Variants in POU6F2 observed in about 807,000 individuals in gnomAD.
POU6F2 encodes POU class 6 homeobox 2.
POU6F2 carries 31 observed loss-of-function variants against 71.3 expected under a neutral mutation model. The observed-to-expected ratio is 0.43, with a 90% CI of 0.33 to 0.59. POU6F2 has a LOEUF of 0.59. Among genes scored for constraint, POU6F2 ranks in the 20% least tolerant of loss-of-function variants. The pLI is 0.04. For synonymous variants in POU6F2, 347 were observed against 355.7 expected, an observed-to-expected ratio of 0.98 and a Z score of 0.27; for missense variants, 783 against 856.8, an observed-to-expected ratio of 0.91 and a Z score of 1.07.
intron 4 of POU6F2, among the ~76,000 whole-genome samples, chr7:39,305,291 A>C (rs1785028782): frequency 6.6e-6 from 1 of 152,266 alleles, no homozygotes; most frequent in Non-Finnish European, 1.5e-5. Flanking sequence ...GCATACAATT[A>C]GGAATAATAA....
chr7:39,241,795 C>G (rs1350195148), intron 4 of POU6F2, among the ~76,000 whole-genome samples: 1 of 152,082 alleles, frequency 6.6e-6, no homozygotes, highest in South Asian at 2.1e-4. Flanking sequence ...TTTCAGTATA[C>G]AGTTCCATGA....
intron 5 of POU6F2, among the ~76,000 whole-genome samples, chr7:39,396,884 C>T (rs891697775): frequency 1.4e-5 from 2 of 146,750 alleles, no homozygotes; most frequent in African/African-American, 2.5e-5. Flanking sequence ...GTCTCCACCA[C>T]CATAACCAAT....
intron 1 of POU6F2, chr7:39,034,402 G>C: frequency 3.0e-6 from 1 of 335,830 alleles, no homozygotes. Flanking sequence ...GAGGCAGATA[G>C]AGAAGAAAAT....
rs1787442600 is a variant in POU6F2 at position 39,406,758 on chromosome 7, A to G, written c.1113+18A>G. The G allele has an allele frequency of 2.5e-6, 4 of 1,612,260 alleles. No homozygotes were observed. Among genetic ancestry groups the G allele is most frequent in the Middle Eastern group, 1.6e-4 (1 of 6,062 alleles). ...AAGGACAGGTGAGTGGGAGATGGGA[A>G]CAAGAGTGCATTTTTATGGCAGATT... On this transcript the variant is annotated intron_variant, in intron 6 of 9. Transcript: ENST00000518318.
intron 7 of POU6F2, among the ~76,000 whole-genome samples, chr7:39,441,473 T>A (rs868476719): frequency 6.6e-6 from 1 of 151,648 alleles, no homozygotes; most frequent in South Asian, 2.1e-4. Flanking sequence ...GAAAAAAATA[T>A]GAGAAGCAAG....
rs536188690 is a variant in POU6F2 at position 39,275,997 on chromosome 7, A to G, written c.599-63645A>G. Among the ~76,000 whole-genome samples, 624 of 152,102 alleles carry G rather than the reference A, an allele frequency of 4.1e-3. 10 individuals carry two copies. The South Asian group carries it at 0.045, about 11-fold the overall frequency. The stretch of plus-strand genomic sequence containing the variant: ...CATTCAGGACATAGGCATGGGCAAG[A>G]ACTTCATGTCTAAAACACCAAAAGT... On this transcript the variant is annotated intron_variant, in intron 4 of 9. Coordinates refer to ENST00000518318, the MANE Select transcript of POU6F2 (RefSeq NM_001370959.1).
At chr7:39,294,003 A>T (rs1177088423) in intron 4 of POU6F2, among the ~76,000 whole-genome samples, 1 of 152,136 alleles carries the variant, frequency 6.6e-6, no homozygotes, top group East Asian at 1.9e-4. Context: ...AAAGTAAGTT[A>T]AACCCTTTTG....
At chr7:39,447,563 A>C (rs1173695149) in intron 7 of POU6F2, among the ~76,000 whole-genome samples, 1 of 152,212 alleles carries the variant, frequency 6.6e-6, no homozygotes, top group African/African-American at 2.4e-5. Flanking sequence ...CCTAAAAAGG[A>C]GGACTATTGC....
intron 1 of POU6F2, among the ~76,000 whole-genome samples, chr7:39,013,984 G>A (rs1789403421): frequency 6.6e-6 from 1 of 152,172 alleles, no homozygotes; most frequent in Non-Finnish European, 1.5e-5. Flanking sequence ...TCCCTTCAGA[G>A]GAATGAGAGA....
chr7:39,406,811 T>G, intron 6 of POU6F2, 71 bp downstream of exon 6: 1 of 1,556,052 alleles, frequency 6.4e-7, no homozygotes, highest in African/African-American at 1.4e-5. Context: ...GAATTTCTTT[T>G]GCATGACAGT....
At chr7:39,160,680 A>T (rs533435373) in intron 2 of POU6F2, among the ~76,000 whole-genome samples, 1 of 152,088 alleles carries the variant, frequency 6.6e-6, no homozygotes, top group East Asian at 1.9e-4. Flanking sequence ...AAATCAGCCT[A>T]TTTCATGAAG....
intron 4 of POU6F2, among the ~76,000 whole-genome samples, chr7:39,232,658 G>GGTTTCCTTTAACTTCTTGCTAC (rs1794597617): frequency 6.6e-6 from 1 of 152,186 alleles, no homozygotes; most frequent in Non-Finnish European, 1.5e-5. Context: ...TTTGTTGGTA[G>GGTTTCCTTTAACTTCTTGCTAC]GTTTCCTTTA....
intron 4 of POU6F2, among the ~76,000 whole-genome samples, chr7:39,222,039 C>T (rs887037956): frequency 3.9e-5 from 6 of 152,076 alleles, no homozygotes; most frequent in Non-Finnish European, 1.5e-5. Flanking sequence ...TACTTATTTT[C>T]ACCACCAAAA....
chr7:39,043,591 T>C (rs999283690), intron 1 of POU6F2, among the ~76,000 whole-genome samples: 3 of 151,996 alleles, frequency 2.0e-5, no homozygotes, highest in Non-Finnish European at 4.4e-5. Flanking sequence ...CTGGCTTATA[T>C]AAGGTGTCAC....
chr7:39,177,691 A>T (rs1440851416), intron 2 of POU6F2, among the ~76,000 whole-genome samples: 2 of 152,156 alleles, frequency 1.3e-5, no homozygotes, highest in African/African-American at 4.8e-5. Context: ...ACTCAGAGAG[A>T]CTGATGCCAC....
intron 5 of POU6F2, among the ~76,000 whole-genome samples, chr7:39,372,816 C>T (rs980729175): frequency 6.6e-6 from 1 of 152,124 alleles, no homozygotes; most frequent in African/African-American, 2.4e-5. Flanking sequence ...TCATTCTTAG[C>T]TTATGGGCCA....
At chr7:39,372,384 C>T (rs969865337) in intron 5 of POU6F2, among the ~76,000 whole-genome samples, 4 of 152,092 alleles carry the variant, frequency 2.6e-5, no homozygotes, top group African/African-American at 9.7e-5. Flanking sequence ...TCAGTGTTCT[C>T]CAGAGAAAAA....
intron 4 of POU6F2, among the ~76,000 whole-genome samples, chr7:39,236,265 T>C (rs1794674212): frequency 6.6e-6 from 1 of 152,212 alleles, no homozygotes; most frequent in Admixed American, 6.5e-5. Flanking sequence ...CATTCAAGGT[T>C]AAACACAGTG....
chr7:39,130,323 A>G (rs1164111030), intron 2 of POU6F2, among the ~76,000 whole-genome samples: 3 of 152,212 alleles, frequency 2.0e-5, no homozygotes, highest in Non-Finnish European at 4.4e-5. Context: ...CTGCAGTTAC[A>G]GAATTAGAGA....
Sources: gnomAD v4.1 joint callset for allele counts (sites outside exome capture counted in the v4.1 genomes callset) on GRCh38, gnomAD v4.1.1 for gene constraint, MANE v1.5 for transcripts, NCBI Gene and HGNC (gene_info 2026-07-23, HGNC 2026-07-21) for gene names.